ARHGAP15: variants seen among roughly 807,000 people sequenced by gnomAD.
ARHGAP15 encodes rho GTPase-activating protein 15.
A neutral mutation model predicts 63.7 loss-of-function variants in ARHGAP15; 51 were observed. That is an observed-to-expected ratio of 0.80 (90% CI 0.64 to 1.01). The LOEUF is 1.01. ARHGAP15 is among the 50% of genes least tolerant of loss of function. The probability of loss-of-function intolerance (pLI) is 0.00; values close to 1 mark genes in which losing one functional copy is unlikely to be tolerated. For missense variants in ARHGAP15, 560 were observed against 564.6 expected (o/e 0.99, Z 0.08); for synonymous variants, 191 against 193.8 (o/e 0.99, Z 0.12).
intron 6 of ARHGAP15, among the ~76,000 whole-genome samples, chr2:143,311,692 G>A (rs925627838): frequency 6.6e-6 from 1 of 152,108 alleles, no homozygotes; most frequent in Non-Finnish European, 1.5e-5. Context: ...CAATTCAGCA[G>A]CATGGAAAAA....
At chr2:143,619,841 G>A (rs1698587317) in intron 11 of ARHGAP15, among the ~76,000 whole-genome samples, 1 of 152,230 alleles carries the variant, frequency 6.6e-6, no homozygotes, top group South Asian at 2.1e-4. Context: ...TCCCATGATT[G>A]GAAGTTTACT....
intron 10 of ARHGAP15, among the ~76,000 whole-genome samples, chr2:143,544,359 T>C (rs781711533): frequency 2.8e-4 from 42 of 152,164 alleles, no homozygotes; most frequent in Non-Finnish European, 6.0e-4. Context: ...AGTGGATCTG[T>C]GGGGACATAA....
At chr2:143,203,044 C>T (rs1257694636) in intron 3 of ARHGAP15, among the ~76,000 whole-genome samples, 2 of 151,930 alleles carry the variant, frequency 1.3e-5, no homozygotes, top group Non-Finnish European at 2.9e-5. Flanking sequence ...CTTGTCTTTC[C>T]TGCTATATTT....
chr2:143,667,915 G>C (rs1682309980), intron 12 of ARHGAP15, among the ~76,000 whole-genome samples: 2 of 152,112 alleles, frequency 1.3e-5, no homozygotes, highest in South Asian at 4.1e-4. Flanking sequence ...CTGAACCCAG[G>C]AAGTTGAGGC....
Position 143,536,439 on chromosome 2 carries a change from T to C in ARHGAP15, c.925+17075T>C, listed in dbSNP as rs993327762. ...GCACAACGTGCAGGTTTGTTACATA[T>C]GTGTACATGTGCCATGTTGGGGTGC... On this transcript the variant is annotated intron_variant, in intron 10 of 13. Coordinates refer to ENST00000295095, the MANE Select transcript of ARHGAP15 (RefSeq NM_018460.4). Among the ~76,000 whole-genome samples the C allele has an allele frequency of 8.5e-5, 13 of 152,058 alleles. 1 individual carries two copies. Among genetic ancestry groups the C allele is most frequent in the African/African-American group, 2.9e-4 (12 of 41,492 alleles).
intron 6 of ARHGAP15, among the ~76,000 whole-genome samples, chr2:143,420,933 A>G (rs757175259): frequency 6.6e-6 from 1 of 152,196 alleles, no homozygotes; most frequent in Non-Finnish European, 1.5e-5. Flanking sequence ...GACACATGCT[A>G]GTAACTACTC....
At chr2:143,688,274 A>T (rs1683439521) in intron 12 of ARHGAP15, among the ~76,000 whole-genome samples, 1 of 152,222 alleles carries the variant, frequency 6.6e-6, no homozygotes, top group Non-Finnish European at 1.5e-5. Flanking sequence ...AGTAAACATT[A>T]TGCCACTCTC....
intron 11 of ARHGAP15, among the ~76,000 whole-genome samples, chr2:143,596,359 C>T (rs766663688): frequency 1.2e-4 from 18 of 152,128 alleles, no homozygotes; most frequent in South Asian, 8.3e-4. Flanking sequence ...AATGCTAAAA[C>T]TTTCAATGCA....
intron 13 of ARHGAP15, among the ~76,000 whole-genome samples, chr2:143,705,315 T>C (rs1367313466): frequency 6.6e-6 from 1 of 152,166 alleles, no homozygotes; most frequent in Non-Finnish European, 1.5e-5. Context: ...ACATACTGGC[T>C]ACGGTGAGAA....
chr2:143,312,520 G>T (rs1157736580), intron 6 of ARHGAP15, among the ~76,000 whole-genome samples: 1 of 151,818 alleles, frequency 6.6e-6, no homozygotes, highest in Non-Finnish European at 1.5e-5. Flanking sequence ...AGTTATTTTT[G>T]CAGTAACGTA....
Position 143,668,594 on chromosome 2 carries a change from C to T in ARHGAP15, c.1139-34825C>T, listed in dbSNP as rs117928812. ...AGTTTGACAAGCCTGTTATCTGACT[C>T]TTCTTTTTTATACAGCCTACATGAC... On this transcript the variant is annotated intron_variant, in intron 12 of 13. Coordinates refer to ENST00000295095, the MANE Select transcript of ARHGAP15 (RefSeq NM_018460.4). Among the ~76,000 whole-genome samples the T allele has an allele frequency of 4.6e-5, 7 of 152,320 alleles. No homozygotes were observed. In the East Asian group the frequency reaches 1.2e-3, roughly 25 times the overall value.
Position 143,141,279 on chromosome 2 carries a change from A to G in ARHGAP15, c.-15+11813A>G, listed in dbSNP as rs184289982. The stretch of plus-strand genomic sequence containing the variant: ...GAGTTCAAGACAGGGGATTTCAGAC[A>G]GTGCTGAATGAATATACCAATTTCA... On this transcript the variant is annotated intron_variant, in intron 1 of 13. Transcript: ENST00000295095. Among the ~76,000 whole-genome samples, 384 of 152,262 alleles carry G rather than the reference A, an allele frequency of 2.5e-3. 2 individuals are homozygous for G. The highest frequency in any genetic ancestry group is 4.5e-3 in the Non-Finnish European group (309 of 68,024).
intron 6 of ARHGAP15, among the ~76,000 whole-genome samples, chr2:143,300,510 GA>G (rs925462928): frequency 1.2e-4 from 19 of 152,078 alleles, no homozygotes; most frequent in Admixed American, 7.2e-4. Flanking sequence ...TTGCTTAACT[GA>G]AACAAACATT....
rs1479615934 is a variant in ARHGAP15 at position 143,435,581 on chromosome 2, TC to T, written c.475-19del. The T allele has an allele frequency of 2.1e-6, 3 of 1,401,790 alleles. No individual in the cohort carries two copies. Among genetic ancestry groups the T allele is most frequent in the East Asian group, 5.1e-5 (2 of 39,116 alleles). The allele number at this position is 1,401,790 out of a possible 1,614,324, so 86.8% of individuals were successfully genotyped here. ...GTTTCTTTACCTGTCTATTTCTTTT[TC>T]TTTTTTTTTTTTTTGCAGATCACAA... is the stretch of plus-strand genomic sequence containing the variant. On this transcript the variant is annotated intron_variant, in intron 6 of 13. Coordinates refer to ENST00000295095, the MANE Select transcript of ARHGAP15 (RefSeq NM_018460.4).
chr2:143,604,206 G>C (rs539749389), intron 11 of ARHGAP15, among the ~76,000 whole-genome samples: 3 of 152,238 alleles, frequency 2.0e-5, no homozygotes, highest in East Asian at 1.9e-4. Flanking sequence ...GATCCTAGCT[G>C]TTTCTCTTGT....
chr2:143,297,384 C>T (rs192170643), intron 6 of ARHGAP15, among the ~76,000 whole-genome samples: 4 of 152,094 alleles, frequency 2.6e-5, no homozygotes, highest in African/African-American at 7.2e-5. Flanking sequence ...GTTGACTCTG[C>T]ACCTTCCTGT....
rs773956434 is a variant in ARHGAP15 at position 143,579,028 on chromosome 2, G to A, written c.1003+22543G>A. 2.0e-4 allele frequency among the ~76,000 whole-genome samples: 31 copies of A among 152,102 alleles called. 1 individual carries two copies. Among genetic ancestry groups the A allele is most frequent in the Non-Finnish European group, 3.7e-4 (25 of 68,016 alleles). On this transcript the variant is annotated intron_variant, in intron 11 of 13. Coordinates refer to ENST00000295095, the MANE Select transcript of ARHGAP15 (RefSeq NM_018460.4). ...TAAATCTCTTTAAAGTGGGTTTTAAGATGCTAAGTATGCAAAACCTGTTCC... is the reference window on the plus strand; with the variant it reads ...TAAATCTCTTTAAAGTGGGTTTTAAAATGCTAAGTATGCAAAACCTGTTCC...
intron 11 of ARHGAP15, among the ~76,000 whole-genome samples, chr2:143,592,818 C>T (rs1697372521): frequency 6.6e-6 from 1 of 152,126 alleles, no homozygotes; most frequent in South Asian, 2.1e-4. Context: ...GAGCTGTAGC[C>T]AGCATTTATT....
intron 6 of ARHGAP15, among the ~76,000 whole-genome samples, chr2:143,259,035 G>C (rs1187782466): frequency 6.7e-6 from 1 of 149,760 alleles, no homozygotes; most frequent in Non-Finnish European, 1.5e-5. Flanking sequence ...TTTTTTTCTT[G>C]AAGTTGAATT....
Sources: gnomAD v4.1 joint callset for allele counts (sites outside exome capture counted in the v4.1 genomes callset) on GRCh38, gnomAD v4.1.1 for gene constraint, MANE v1.5 for transcripts, NCBI Gene and HGNC (gene_info 2026-07-23, HGNC 2026-07-21) for gene names.